The following CNTN5 variants were observed in gnomAD, a reference collection of about 807,000 sequenced individuals.
The protein encoded by CNTN5 is contactin-5.
In CNTN5, 77 loss-of-function variants were observed where a neutral mutation model predicts 129.1. The observed-to-expected ratio is 0.60, with a 90% CI of 0.50 to 0.72. CNTN5 has a LOEUF of 0.72. Ranked by LOEUF, CNTN5 falls within the 30% of genes least tolerant of loss-of-function variation. CNTN5 has a pLI of 0.00. For synonymous variants in CNTN5, 509 were observed against 465.6 expected, an observed-to-expected ratio of 1.09 and a Z score of -1.20; for missense variants, 1,478 against 1,328.8, an observed-to-expected ratio of 1.11 and a Z score of -1.75.
At chr11:99,582,106 A>G (rs1170136560) in intron 3 of CNTN5, among the ~76,000 whole-genome samples, 3 of 152,140 alleles carry the variant, frequency 2.0e-5, no homozygotes, top group Non-Finnish European at 4.4e-5. Context: ...GCTGGATATG[A>G]AATTCTGGGT....
At chr11:99,514,315 T>C (rs537661279) in intron 2 of CNTN5, among the ~76,000 whole-genome samples, 26 of 152,050 alleles carry the variant, frequency 1.7e-4, no homozygotes, top group Non-Finnish European at 2.8e-4. Flanking sequence ...GCTGTGAACA[T>C]TGTGGAAATG....
chr11:99,651,114 G>A (rs1042150627), intron 3 of CNTN5, among the ~76,000 whole-genome samples: 3 of 151,878 alleles, frequency 2.0e-5, no homozygotes, highest in African/African-American at 7.2e-5. Context: ...TTTAGAAAAG[G>A]AAAGTTGCTT....
intron 1 of CNTN5, among the ~76,000 whole-genome samples, chr11:99,145,321 C>T (rs960412552): frequency 5.9e-5 from 9 of 151,916 alleles, no homozygotes; most frequent in East Asian, 1.9e-4. Context: ...TCACCCACCT[C>T]GGCCTCCCAA....
rs188533418 is a variant in CNTN5 at position 99,892,246 on chromosome 11, A to T, written c.578-23808A>T. Among the ~76,000 whole-genome samples, 1,109 of 152,246 alleles carry T rather than the reference A, an allele frequency of 7.3e-3. 11 individuals are homozygous for T. The highest frequency in any genetic ancestry group is 0.044 in the Middle Eastern group (13 of 294). On this transcript the variant is annotated intron_variant, in intron 6 of 24. Transcript: ENST00000524871. ...TATTAGCCCTTTGTCAGAAGGATAGATTGCAAAAATTTTCTTTCATTCTGT... is the reference window on the plus strand; with the variant it reads ...TATTAGCCCTTTGTCAGAAGGATAGTTTGCAAAAATTTTCTTTCATTCTGT...
At chr11:99,443,247 A>G (rs1038005624) in intron 2 of CNTN5, among the ~76,000 whole-genome samples, 1 of 152,186 alleles carries the variant, frequency 6.6e-6, no homozygotes, top group Admixed American at 6.5e-5. Context: ...ATTTTCTTTG[A>G]TCCTAAAACA....
intron 1 of CNTN5, among the ~76,000 whole-genome samples, chr11:99,050,988 A>G (rs1271672235): frequency 6.6e-6 from 1 of 151,946 alleles, no homozygotes; most frequent in Non-Finnish European, 1.5e-5. Context: ...TATCATCATA[A>G]GCATACATGT....
chr11:99,505,516 C>G (rs147995099), intron 2 of CNTN5, among the ~76,000 whole-genome samples: 1 of 152,252 alleles, frequency 6.6e-6, no homozygotes, highest in Non-Finnish European at 1.5e-5. Flanking sequence ...ATGATTCACT[C>G]TGGTCATTTA....
intron 2 of CNTN5, among the ~76,000 whole-genome samples, chr11:99,415,754 G>A (rs1410572232): frequency 6.6e-6 from 1 of 152,130 alleles, no homozygotes; most frequent in Admixed American, 6.6e-5. Flanking sequence ...CCACCAAAAT[G>A]TGAACTAATT....
intron 3 of CNTN5, among the ~76,000 whole-genome samples, chr11:99,818,295 T>C (rs1946660066): frequency 6.6e-6 from 1 of 152,046 alleles, no homozygotes; most frequent in Non-Finnish European, 1.5e-5. Context: ...CTTGCCCTGT[T>C]GCCAGTCTGG....
intron 13 of CNTN5, among the ~76,000 whole-genome samples, chr11:100,088,251 G>C (rs1944630342): frequency 6.6e-6 from 1 of 151,712 alleles, no homozygotes; most frequent in Non-Finnish European, 1.5e-5. Flanking sequence ...AGTGTTAAGA[G>C]GGAAGTTTAC....
At position 99,339,218 on chromosome 11, in the gene CNTN5, T is replaced by C. The variant is rs188872640; in HGVS notation, c.-71+13734T>C. Among the ~76,000 whole-genome samples the C allele has an allele frequency of 8.4e-3, 1,276 of 152,136 alleles. 9 individuals are homozygous for C. Among genetic ancestry groups the C allele is most frequent in the Non-Finnish European group, 0.012 (823 of 67,998 alleles). Reference sequence around the variant, plus strand: ...ATTAAAATAAAAAAACTTTATCCTTTTGAAATTCACTTTCTAGTATGAAAA... The same window carrying C: ...ATTAAAATAAAAAAACTTTATCCTTCTGAAATTCACTTTCTAGTATGAAAA... On this transcript the variant is annotated intron_variant, in intron 2 of 24. Transcript: ENST00000524871.
chr11:99,288,666 A>C (rs980362646), intron 1 of CNTN5, among the ~76,000 whole-genome samples: 1 of 151,936 alleles, frequency 6.6e-6, no homozygotes, highest in Non-Finnish European at 1.5e-5. Flanking sequence ...CTACAAAGGA[A>C]TAGAAGAATT....
At chr11:99,318,011 T>TC (rs1399152343) in intron 1 of CNTN5, among the ~76,000 whole-genome samples, 1 of 152,172 alleles carries the variant, frequency 6.6e-6, no homozygotes, top group Non-Finnish European at 1.5e-5. Flanking sequence ...GACTGAAAAC[T>TC]CTGTTTCAAA....
rs560327422 is a variant in CNTN5 at position 100,297,673 on chromosome 11, A to G, written c.2363A>G (p.His788Arg). The G allele has an allele frequency of 9.3e-6, 15 of 1,604,560 alleles. No individual in the cohort carries two copies. In the East Asian group the frequency reaches 3.4e-4, roughly 36 times the overall value. ...GTAAGCGGAAGAAGTGGAAGAAGGC[A>G]TGAGTTAGTCATTGCCTGGGAGGTA... The part of the protein sequence containing the change: ...TNVSGRSGRR[H>R]ELVIAWEPVS... Residue 788 changes from histidine (H) to arginine (R), a missense_variant, in exon 19 of 25, where the codon CAT becomes CGT. Transcript: ENST00000524871.
rs747807157 is a variant in CNTN5 at position 99,197,131 on chromosome 11, A to G, written c.-209-128215A>G. On this transcript the variant is annotated intron_variant, in intron 1 of 24. Coordinates refer to ENST00000524871, the MANE Select transcript of CNTN5 (RefSeq NM_014361.4). Reference sequence around the variant, plus strand: ...TCAAATTTCTAAGCACATTTGGAATATTTTACAAATTGGACACATACAACA... The same window carrying G: ...TCAAATTTCTAAGCACATTTGGAATGTTTTACAAATTGGACACATACAACA... Among the ~76,000 whole-genome samples the G allele has an allele frequency of 1.0e-3, 152 of 151,974 alleles. 2 individuals are homozygous for G. The highest frequency in any genetic ancestry group is 2.7e-4 in the Non-Finnish European group (18 of 67,858).
intron 8 of CNTN5, among the ~76,000 whole-genome samples, chr11:99,967,963 G>T (rs1951139757): frequency 6.6e-6 from 1 of 152,184 alleles, no homozygotes; most frequent in Admixed American, 6.5e-5. Context: ...AAGTAAAAAT[G>T]ATGGAAAATA....
chr11:99,264,409 T>C (rs1019703419), intron 1 of CNTN5, among the ~76,000 whole-genome samples: 3 of 152,014 alleles, frequency 2.0e-5, no homozygotes, highest in Admixed American at 2.0e-4. Flanking sequence ...CCTACAAACA[T>C]AGATTTTATG....
chr11:100,356,562 C>T lies in CNTN5; in HGVS notation c.*342C>T, dbSNP rs904374357. The stretch of plus-strand genomic sequence containing the variant: ...TCTGATGACTCCGAGTGTGTGCCAT[C>T]CATTTGTTAAGTAACTGGCCTTTAG... On this transcript the variant is annotated 3_prime_UTR_variant, in exon 25 of 25. Transcript: ENST00000524871. The T allele has an allele frequency of 4.5e-6, 1 of 220,670 alleles. No homozygotes were observed. The highest frequency in any genetic ancestry group is 2.3e-5 in the African/African-American group (1 of 43,360). 13.7% of individuals were successfully genotyped at this position (220,670 alleles called of 1,614,324 possible).
chr11:99,239,685 C>G (rs1861442483), intron 1 of CNTN5, among the ~76,000 whole-genome samples: 1 of 152,156 alleles, frequency 6.6e-6, no homozygotes, highest in South Asian at 2.1e-4. Context: ...CCTGTAATCC[C>G]AGCACTTTGG....
Sources: gnomAD v4.1 joint callset for allele counts (sites outside exome capture counted in the v4.1 genomes callset) on GRCh38, gnomAD v4.1.1 for gene constraint, MANE v1.5 for transcripts, NCBI Gene and HGNC (gene_info 2026-07-23, HGNC 2026-07-21) for gene names.